Variants in STRN observed in about 807,000 individuals in gnomAD.
STRN encodes protein phosphatase 2 regulatory subunit B'''alpha.
STRN carries 53 observed loss-of-function variants against 96.3 expected under a neutral mutation model. The ratio of observed to expected loss-of-function variants is 0.55; its 90% CI spans 0.44 to 0.69. The LOEUF (loss-of-function observed/expected upper bound fraction) is 0.69, where lower values mean the gene tolerates loss of function less well. Among genes scored for constraint, STRN ranks in the 30% least tolerant of loss-of-function variants. The probability of loss-of-function intolerance (pLI) is 0.00; values close to 1 mark genes in which losing one functional copy is unlikely to be tolerated. For synonymous variants in STRN, 428 were observed against 355.9 expected (o/e 1.20, Z -2.28); for missense variants, 987 against 963.9 (o/e 1.02, Z -0.32).
At chr2:36,927,031 A>C (rs1670427713) in intron 1 of STRN, among the ~76,000 whole-genome samples, 1 of 152,198 alleles carries the variant, frequency 6.6e-6, no homozygotes, top group South Asian at 2.1e-4. Flanking sequence ...TAATCAATGC[A>C]ATCAAACTTT....
At chr2:36,926,244 T>C (rs920162880) in intron 1 of STRN, among the ~76,000 whole-genome samples, 9 of 152,112 alleles carry the variant, frequency 5.9e-5, no homozygotes, top group African/African-American at 1.4e-4. Flanking sequence ...TAAAAGAACA[T>C]TGACAATTGA....
chr2:36,878,169 A>G, intron 9 of STRN, 142 bp from the exon 10 acceptor site: 1 of 905,512 alleles, frequency 1.1e-6, no homozygotes, highest in Non-Finnish European at 1.6e-6. Context: ...AAATTCAGTG[A>G]GCAGAAAATC....
chr2:36,887,296 A>T (rs1262300309), intron 7 of STRN, among the ~76,000 whole-genome samples: 1 of 149,598 alleles, frequency 6.7e-6, no homozygotes, highest in African/African-American at 2.4e-5. Flanking sequence ...TAAATAAATA[A>T]ATAAATAAAT....
At chr2:36,860,350 A>G (rs964635517) in intron 13 of STRN, among the ~76,000 whole-genome samples, 4 of 152,226 alleles carry the variant, frequency 2.6e-5, no homozygotes, top group Non-Finnish European at 4.4e-5. Flanking sequence ...CAGATAACTT[A>G]TAAGAGAATT....
chr2:36,963,542 G>C (rs1665080289), intron 1 of STRN, among the ~76,000 whole-genome samples: 1 of 152,040 alleles, frequency 6.6e-6, no homozygotes, highest in Non-Finnish European at 1.5e-5. Flanking sequence ...AAAGACCAGA[G>C]ATTACTGCAA....
In STRN at chr2:36,838,549, C is replaced by A. The variant is rs9789527; in HGVS notation, c.*10907G>T. Among the ~76,000 whole-genome samples, 1 of 152,022 alleles carries A rather than the reference C, an allele frequency of 6.6e-6. No homozygotes were observed. The highest frequency in any genetic ancestry group is 2.4e-5 in the African/African-American group (1 of 41,300). ...CACCAGGATTTTTTTCTTTTTTCTA[C>A]GTATTTTTTAATGTTACAATAGTTA... On this transcript the variant is annotated 3_prime_UTR_variant, in exon 18 of 18. Coordinates refer to ENST00000263918, the MANE Select transcript of STRN (RefSeq NM_003162.4).
At chr2:36,943,671 G>A (rs1024397614) in intron 1 of STRN, among the ~76,000 whole-genome samples, 4 of 152,050 alleles carry the variant, frequency 2.6e-5, no homozygotes, top group Admixed American at 1.3e-4. Flanking sequence ...GGGCGTGGTG[G>A]CACACTCCTG....
chr2:36,960,124 G>T (rs1022773447), intron 1 of STRN, among the ~76,000 whole-genome samples: 24 of 152,282 alleles, frequency 1.6e-4, no homozygotes, highest in African/African-American at 5.8e-4. Context: ...CACATGTAAA[G>T]GAAGTGGCTT....
At chr2:36,859,450 G>C (rs1403406817) in intron 13 of STRN, among the ~76,000 whole-genome samples, 1 of 152,150 alleles carries the variant, frequency 6.6e-6, no homozygotes, top group Non-Finnish European at 1.5e-5. Context: ...GTAATTCTTA[G>C]GTTTCTAGTT....
chr2:36,964,179 G>GC (rs1491235526), intron 1 of STRN, among the ~76,000 whole-genome samples: 2 of 104,312 alleles, frequency 1.9e-5, no homozygotes, highest in African/African-American at 4.2e-5. Flanking sequence ...AGTGAACGGG[G>GC]CGGGGCGGGG....
chr2:36,876,199 G>C (rs1206878872), intron 10 of STRN, among the ~76,000 whole-genome samples: 1 of 152,038 alleles, frequency 6.6e-6, no homozygotes, highest in Non-Finnish European at 1.5e-5. Flanking sequence ...GAGCCCGGTG[G>C]GGCGGAGGGT....
At position 36,950,208 on chromosome 2, in the gene STRN, G is replaced by GTTTT. The variant is rs1338547776; in HGVS notation, c.234+16018_234+16021dup. The stretch of plus-strand genomic sequence containing the variant: ...TTGTTGTTACTGGTTGGTTGGTTTG[G>GTTTT]TTTTGTTTTTTTTTTTTTTTTTTTT... On this transcript the variant is annotated intron_variant, in intron 1 of 17. Transcript: ENST00000263918. Among the ~76,000 whole-genome samples, 4 of 124,046 alleles carry GTTTT rather than the reference G, an allele frequency of 3.2e-5. No homozygotes were observed. The East Asian group carries it at 8.6e-4, about 27-fold the overall frequency. The allele number at this position is 124,046 out of a possible 152,430, so 81.4% of individuals were successfully genotyped here.
Position 36,847,333 on chromosome 2 carries a change from G to C in STRN, c.*2123C>G, listed in dbSNP as rs1227158051. On this transcript the variant is annotated 3_prime_UTR_variant, in exon 18 of 18. Transcript: ENST00000263918. ...CTTAGAAGGTAATTAATAACTGGTA[G>C]AACAATAGCTTTGTGGTCATCCATC... The C allele has an allele frequency of 6.6e-6, 1 of 152,094 alleles. No individual in the cohort carries two copies. The highest frequency in any genetic ancestry group is 1.5e-5 in the Non-Finnish European group (1 of 68,004). The allele number at this position is 152,094 out of a possible 1,614,324, so 9.4% of individuals were successfully genotyped here.
chr2:36,946,595 A>G (rs1670991474), intron 1 of STRN, among the ~76,000 whole-genome samples: 1 of 152,228 alleles, frequency 6.6e-6, no homozygotes, highest in Admixed American at 6.5e-5. Flanking sequence ...TGTGGTATAC[A>G]CTAAATTGTT....
chr2:36,953,671 G>A (rs992488829), intron 1 of STRN, among the ~76,000 whole-genome samples: 20 of 151,968 alleles, frequency 1.3e-4, no homozygotes, highest in Non-Finnish European at 5.9e-5. Flanking sequence ...CAAAGTGCTG[G>A]GATTACAGGC....
chr2:36,849,884 C>G (rs1668177012), intron 16 of STRN, 84 bp from the exon 17 acceptor site: 1 of 1,287,246 alleles, frequency 7.8e-7, no homozygotes, highest in Non-Finnish European at 1.1e-6. Context: ...GCTGGTTTCT[C>G]CAGTCATCCC....
At chr2:36,861,650 C>A (rs1668483481) in intron 12 of STRN, among the ~76,000 whole-genome samples, 1 of 151,710 alleles carries the variant, frequency 6.6e-6, no homozygotes, top group African/African-American at 2.4e-5. Flanking sequence ...AAAAAGTATG[C>A]CAATCTCTGT....
At chr2:36,872,559 T>C (rs1668789786) in intron 10 of STRN, among the ~76,000 whole-genome samples, 1 of 152,228 alleles carries the variant, frequency 6.6e-6, no homozygotes, top group Non-Finnish European at 1.5e-5. Context: ...CGCTAAGTTT[T>C]GGCATAATTT....
In STRN at chr2:36,841,381, G is replaced by C. The variant is rs1378999844; in HGVS notation, c.*8075C>G. The C allele has an allele frequency of 1.3e-5, 2 of 152,060 alleles. No homozygotes were observed. The highest frequency in any genetic ancestry group is 2.4e-5 in the African/African-American group (1 of 41,416). 9.4% of individuals were successfully genotyped at this position (152,060 alleles called of 1,614,324 possible). On this transcript the variant is annotated 3_prime_UTR_variant, in exon 18 of 18. Coordinates refer to ENST00000263918, the MANE Select transcript of STRN (RefSeq NM_003162.4). ...AAGAAAGCATTCTTACATAGCAGTT[G>C]AGTACTGGGAAGGTTGTTGGGGAGG...
Sources: gnomAD v4.1 joint callset for allele counts (sites outside exome capture counted in the v4.1 genomes callset) on GRCh38, gnomAD v4.1.1 for gene constraint, MANE v1.5 for transcripts, NCBI Gene and HGNC (gene_info 2026-07-23, HGNC 2026-07-21) for gene names.